The following ATXN7 variants were observed in gnomAD, a reference collection of about 807,000 sequenced individuals.
The protein encoded by ATXN7 is ataxin 7.
ATXN7 carries 12 observed loss-of-function variants against 70.5 expected under a neutral mutation model. The observed-to-expected ratio is 0.17, with a 90% CI of 0.11 to 0.28. The LOEUF is 0.28. Among genes scored for constraint, ATXN7 ranks in the 10% least tolerant of loss-of-function variants. The pLI, the probability that ATXN7 is intolerant of heterozygous loss-of-function variation, is 1.00. For synonymous variants in ATXN7, 498 were observed against 448.7 expected, an observed-to-expected ratio of 1.11 and a Z score of -1.39; for missense variants, 1,256 against 1,131.7, an observed-to-expected ratio of 1.11 and a Z score of -1.58.
chr3:63,893,467 A>G (rs1703347668), intron 1 of ATXN7, among the ~76,000 whole-genome samples: 1 of 152,328 alleles, frequency 6.6e-6, no homozygotes, highest in African/African-American at 2.4e-5. Context: ...GTGTCCTGAA[A>G]TGGCAAAAGA....
intron 4 of ATXN7, among the ~76,000 whole-genome samples, chr3:63,916,518 A>C (rs1331058808): frequency 6.6e-6 from 1 of 152,002 alleles, no homozygotes; most frequent in African/African-American, 2.4e-5. Flanking sequence ...ACTTTGACCA[A>C]CTCCTATCAG....
At chr3:63,955,962 G>C (rs1396303443) in intron 5 of ATXN7, among the ~76,000 whole-genome samples, 12 of 152,208 alleles carry the variant, frequency 7.9e-5, no homozygotes, top group Non-Finnish European at 1.8e-4. Flanking sequence ...TTGGTGAGCA[G>C]CTTATTATTC....
chr3:63,991,020 C>A, intron 11 of ATXN7, 161 bp downstream of exon 11: 1 of 990,756 alleles, frequency 1.0e-6, no homozygotes, highest in Non-Finnish European at 1.5e-6. Flanking sequence ...TCATTTACCC[C>A]TTTACCCCAC....
chr3:63,924,721 G>A (rs1242835950), intron 4 of ATXN7, among the ~76,000 whole-genome samples: 1 of 152,152 alleles, frequency 6.6e-6, no homozygotes, highest in African/African-American at 2.4e-5. Context: ...AGTTGGGGAG[G>A]CAGAACCCTC....
At chr3:63,908,609 T>G (rs2107285604) in intron 2 of ATXN7, among the ~76,000 whole-genome samples, 1 of 152,362 alleles carries the variant, frequency 6.6e-6, no homozygotes, top group Non-Finnish European at 1.5e-5. Context: ...AATGTTGTAC[T>G]GGGACTGGTG....
chr3:63,951,457 G>T (rs2074951854), intron 4 of ATXN7, among the ~76,000 whole-genome samples: 1 of 152,100 alleles, frequency 6.6e-6, no homozygotes, highest in Non-Finnish European at 1.5e-5. Context: ...TAAAACTTTT[G>T]CTTAAATTGA....
chr3:63,952,311 G>C, intron 4 of ATXN7, 68 bp from the exon 5 acceptor site: 1 of 1,226,960 alleles, frequency 8.2e-7, no homozygotes, highest in Non-Finnish European at 1.1e-6. Context: ...TTAGAAAGTA[G>C]TTTCCCAAAA....
intron 1 of ATXN7, among the ~76,000 whole-genome samples, chr3:63,893,168 C>T (rs895110145): frequency 2.4e-4 from 37 of 152,148 alleles, no homozygotes; most frequent in African/African-American, 8.9e-4. Flanking sequence ...TATTACTGGG[C>T]GCATGGTAAG....
intron 4 of ATXN7, among the ~76,000 whole-genome samples, chr3:63,931,791 C>T (rs779285638): frequency 6.6e-6 from 1 of 152,076 alleles, no homozygotes; most frequent in South Asian, 2.1e-4. Context: ...TTAGTGTCTC[C>T]CTTGTCATTT....
At chr3:63,994,711 G>A (rs1022952443) in intron 11 of ATXN7, among the ~76,000 whole-genome samples, 3 of 152,206 alleles carry the variant, frequency 2.0e-5, no homozygotes, top group Non-Finnish European at 4.4e-5. Flanking sequence ...AGGCAATCCT[G>A]GCACTTGCCT....
At chr3:63,927,794 A>T (rs901041803) in intron 4 of ATXN7, among the ~76,000 whole-genome samples, 1 of 151,654 alleles carries the variant, frequency 6.6e-6, no homozygotes, top group African/African-American at 2.4e-5. Context: ...TGTACTGGAG[A>T]CAGACTCGGT....
At chr3:63,982,826 C>T in intron 7 of ATXN7, 113 bp from the exon 8 acceptor site, 1 of 826,344 alleles carries the variant, frequency 1.2e-6, no homozygotes, top group African/African-American at 1.7e-5. Flanking sequence ...GATAATGTGG[C>T]TTTTATTCCA....
rs1406004792 is a variant in ATXN7 at position 64,001,100 on chromosome 3, C to CAACA, written c.*1634_*1637dup. 1 of 152,082 alleles carries CAACA rather than the reference C, an allele frequency of 6.6e-6. No homozygotes were observed. Among genetic ancestry groups the CAACA allele is most frequent in the African/African-American group, 2.4e-5 (1 of 41,390 alleles). The allele number at this position is 152,082 out of a possible 1,614,324, so 9.4% of individuals were successfully genotyped here. A position where few individuals can be genotyped will look rare whatever the true frequency, so the allele number is the denominator to read the frequency against. On this transcript the variant is annotated 3_prime_UTR_variant, in exon 13 of 13. Coordinates refer to ENST00000674280, the MANE Select transcript of ATXN7 (RefSeq NM_001377405.1). Reference sequence around the variant, plus strand: ...TCAGTTTCAGGGAATTTCAAGTCAACAACAGGTAGAATGAATAAACTTGGT... The same window carrying CAACA: ...TCAGTTTCAGGGAATTTCAAGTCAACAACAAACAGGTAGAATGAATAAACTTGGT...
chr3:63,924,580 G>A (rs1400047363), intron 4 of ATXN7, among the ~76,000 whole-genome samples: 1 of 152,146 alleles, frequency 6.6e-6, no homozygotes, highest in African/African-American at 2.4e-5. Flanking sequence ...GGTGAATCTG[G>A]GAAGAGAGAA....
At chr3:63,919,505 A>G (rs1000215530) in intron 4 of ATXN7, among the ~76,000 whole-genome samples, 11 of 152,188 alleles carry the variant, frequency 7.2e-5, no homozygotes, top group Non-Finnish European at 1.0e-4. Context: ...ATTCAATATT[A>G]AAGAAACATG....
chr3:63,937,510 T>G (rs2074683040), intron 4 of ATXN7, among the ~76,000 whole-genome samples: 1 of 152,202 alleles, frequency 6.6e-6, no homozygotes, highest in Non-Finnish European at 1.5e-5. Context: ...GTGGTGAATT[T>G]TAAGTAGTAT....
chr3:63,917,202 G>T (rs1444023585), intron 4 of ATXN7, among the ~76,000 whole-genome samples: 1 of 152,176 alleles, frequency 6.6e-6, no homozygotes, highest in Non-Finnish European at 1.5e-5. Context: ...TGACAGGTAT[G>T]AGCCACTGCA....
chr3:63,896,421 C>A (rs915635360), intron 1 of ATXN7, among the ~76,000 whole-genome samples: 2 of 152,112 alleles, frequency 1.3e-5, no homozygotes, highest in Admixed American at 6.5e-5. Flanking sequence ...TTTCTCTTTG[C>A]AAAACAAAAT....
At chr3:63,874,834 A>G (rs1559616773) in intron 1 of ATXN7, among the ~76,000 whole-genome samples, 1 of 152,184 alleles carries the variant, frequency 6.6e-6, no homozygotes, top group African/African-American at 2.4e-5. Context: ...CTCTAACAAG[A>G]TACCATAAAC....
Sources: gnomAD v4.1 joint callset for allele counts (sites outside exome capture counted in the v4.1 genomes callset) on GRCh38, gnomAD v4.1.1 for gene constraint, MANE v1.5 for transcripts, NCBI Gene and HGNC (gene_info 2026-07-23, HGNC 2026-07-21) for gene names.